Variants in MAOB observed in about 807,000 individuals in gnomAD.
MAOB encodes the protein amine oxidase [flavin-containing] B.
MAOB carries 15 observed loss-of-function variants against 41.9 expected under a neutral mutation model. The ratio of observed to expected loss-of-function variants is 0.36; its 90% CI spans 0.24 to 0.55. MAOB has a LOEUF of 0.55. Ranked by LOEUF, MAOB falls within the 20% of genes least tolerant of loss-of-function variation. The pLI is 0.86. For synonymous variants in MAOB, 167 were observed against 144.2 expected (o/e 1.16, Z -1.13); for missense variants, 345 against 398.7 (o/e 0.87, Z 1.15).
chrX:43,871,088 A>G (rs2035403930), intron 1 of MAOB, among the ~76,000 whole-genome samples: 1 of 111,664 alleles, frequency 9.0e-6, no homozygotes, highest in African/African-American at 3.3e-5. Flanking sequence ...TGCAAGCACA[A>G]CAGAGAAATC....
chrX:43,777,848 G>A (rs2147122734), intron 11 of MAOB, among the ~76,000 whole-genome samples: 1 of 111,958 alleles, frequency 8.9e-6, no homozygotes, highest in East Asian at 2.8e-4. Flanking sequence ...CTTTCAAAAG[G>A]TGACATAGTC....
intron 1 of MAOB, among the ~76,000 whole-genome samples, chrX:43,878,341 A>G (rs1336509814): frequency 9.1e-6 from 1 of 109,456 alleles, no homozygotes; most frequent in African/African-American, 3.3e-5. Context: ...TCCTGGACTC[A>G]AGTGATCCTC....
chrX:43,853,267 CAAAAAAAAAA>C (rs397957481), intron 1 of MAOB, among the ~76,000 whole-genome samples: 10 of 26,446 alleles, frequency 3.8e-4, no homozygotes, highest in African/African-American at 1.1e-3. Flanking sequence ...GAGTCCGTCT[CAAAAAAAAAA>C]AAAAAAAAAA....
intron 11 of MAOB, among the ~76,000 whole-genome samples, chrX:43,776,201 A>G (rs1186839782): frequency 1.8e-5 from 2 of 112,360 alleles, no homozygotes; most frequent in African/African-American, 3.2e-5. Context: ...TTATCTTTCA[A>G]TGTATCTTGT....
chrX:43,791,769 A>G (rs2034466027), intron 8 of MAOB, among the ~76,000 whole-genome samples: 1 of 111,911 alleles, frequency 8.9e-6, no homozygotes. Flanking sequence ...AAAAAAAAAA[A>G]TTAATTAAAT....
chrX:43,879,394 A>G (rs926795558), intron 1 of MAOB, among the ~76,000 whole-genome samples: 6 of 112,527 alleles, frequency 5.3e-5, no homozygotes, highest in Non-Finnish European at 9.4e-5. Flanking sequence ...AACAAAGCTT[A>G]GAACGCAGAG....
chrX:43,852,422 C>A (rs1376092037), intron 1 of MAOB, among the ~76,000 whole-genome samples: 2 of 112,173 alleles, frequency 1.8e-5, no homozygotes, highest in Non-Finnish European at 3.8e-5. Flanking sequence ...GTCATGATGT[C>A]TGTAACTTAC....
At position 43,855,048 on chromosome X, in the gene MAOB, C is replaced by T. The variant is rs183031048; in HGVS notation, c.47-11284G>A. Among the ~76,000 whole-genome samples the T allele has an allele frequency of 3.0e-3, 332 of 110,879 alleles. 2 individuals are homozygous for T. The highest frequency in any genetic ancestry group is 0.011 in the African/African-American group (320 of 30,433). On this transcript the variant is annotated intron_variant, in intron 1 of 14. Coordinates refer to ENST00000378069, the MANE Select transcript of MAOB (RefSeq NM_000898.5). Reference sequence around the variant, plus strand: ...CCCAGGCACAAGAAGTTCCATCCTGCCAGCTCAGATGCTCCAGGTCTCTGG... The same window carrying T: ...CCCAGGCACAAGAAGTTCCATCCTGTCAGCTCAGATGCTCCAGGTCTCTGG...
chrX:43,880,587 A>AT (rs2035467097), intron 1 of MAOB, among the ~76,000 whole-genome samples: 1 of 112,488 alleles, frequency 8.9e-6, no homozygotes, highest in South Asian at 3.6e-4. Context: ...ATTCCGTGGA[A>AT]TGTTCTTGAG....
At chrX:43,808,699 G>GACACAC (rs147523888) in intron 3 of MAOB, among the ~76,000 whole-genome samples, 157 of 87,627 alleles carry the variant, frequency 1.8e-3, no homozygotes, top group South Asian at 8.6e-3. Context: ...TCTACACATA[G>GACACAC]ACACACACAC....
chrX:43,846,044 C>T (rs1030026438), intron 1 of MAOB, among the ~76,000 whole-genome samples: 22 of 111,989 alleles, frequency 2.0e-4, no homozygotes, highest in African/African-American at 6.8e-4. Flanking sequence ...GATTTATAAC[C>T]CCAGTTTCCT....
At position 43,793,448 on chromosome X, in the gene MAOB, T is replaced by A; in HGVS notation, c.899A>T (p.Tyr300Phe). Residue 300 changes from tyrosine to phenylalanine, a missense_variant, in exon 8 of 15, where the codon TAT becomes TTT. Coordinates refer to ENST00000378069, the MANE Select transcript of MAOB (RefSeq NM_000898.5). ...PLGSVIKCIV[Y>F]YKEPFWRKKD... ...TTTCCTCCAGAAAGGCTCTTTATAA[T>A]AAACTATACACTTGATGACTGAACC... is the stretch of plus-strand genomic sequence containing the variant. 1 of 1,201,077 alleles carries A rather than the reference T, an allele frequency of 8.3e-7. No homozygotes were observed. Among genetic ancestry groups the A allele is most frequent in the East Asian group, 3.0e-5 (1 of 33,475 alleles).
At chrX:43,796,666 T>C (rs1367765600) in intron 6 of MAOB, among the ~76,000 whole-genome samples, 1 of 111,192 alleles carries the variant, frequency 9.0e-6, no homozygotes, top group African/African-American at 3.3e-5. Flanking sequence ...AGAACTCCAA[T>C]ATGTTCCTAC....
In MAOB at chrX:43,767,382, C is replaced by CAAAAGA; in HGVS notation, c.*83_*84insTCTTTT. ...CGCCTCACTCCACACTATTTGTCTT[C>CAAAAGA]ATGGAACTTTACTGCAACTCTTTCC... On this transcript the variant is annotated 3_prime_UTR_variant, in exon 15 of 15. Transcript: ENST00000378069. 1 of 989,996 alleles carries CAAAAGA rather than the reference C, an allele frequency of 1.0e-6. No homozygotes were observed. Among genetic ancestry groups the CAAAAGA allele is most frequent in the Admixed American group, 2.7e-5 (1 of 36,611 alleles). The allele number at this position is 989,996 out of a possible 1,213,427, so 81.6% of individuals were successfully genotyped here. A position where few individuals can be genotyped will look rare whatever the true frequency, so the allele number is the denominator to read the frequency against.
chrX:43,828,927 A>C (rs752733947), intron 3 of MAOB, among the ~76,000 whole-genome samples: 3 of 112,156 alleles, frequency 2.7e-5, no homozygotes, highest in Non-Finnish European at 5.6e-5. Context: ...TGTATCTATC[A>C]AAATCTCAAA....
intron 14 of MAOB, 133 bp from the exon 15 acceptor site, chrX:43,767,751 G>T: frequency 1.9e-6 from 1 of 515,983 alleles, no homozygotes; most frequent in Non-Finnish European, 3.0e-6. Flanking sequence ...TGTTCCCTCT[G>T]CTTATACTGT....
At chrX:43,785,985 G>A (rs1417252650) in intron 8 of MAOB, among the ~76,000 whole-genome samples, 1 of 111,864 alleles carries the variant, frequency 8.9e-6, no homozygotes, top group African/African-American at 3.3e-5. Flanking sequence ...GAGACATAAA[G>A]TGAGTACACG....
chrX:43,792,562 C>A (rs769019046), intron 8 of MAOB, among the ~76,000 whole-genome samples: 1 of 111,936 alleles, frequency 8.9e-6, no homozygotes, highest in Non-Finnish European at 1.9e-5. Context: ...AGAAGACATA[C>A]AAGTGGCCAA....
rs1032963461 is a variant in MAOB at position 43,861,856 on chromosome X, C to T, written c.47-18092G>A. On this transcript the variant is annotated intron_variant, in intron 1 of 14. Transcript: ENST00000378069. ...TTTTAGCATTATGCTCCAGCTGAAA[C>T]GTGTGTGTGTGTGTGTGTGTGTGTG... is the stretch of plus-strand genomic sequence containing the variant. Among the ~76,000 whole-genome samples, 4 of 103,177 alleles carry T rather than the reference C, an allele frequency of 3.9e-5. No individual in the cohort carries two copies. The East Asian group carries it at 9.1e-4, about 23-fold the overall frequency. 89.6% of individuals were successfully genotyped at this position (103,177 alleles called of 115,157 possible).
Sources: gnomAD v4.1 joint callset for allele counts (sites outside exome capture counted in the v4.1 genomes callset) on GRCh38, gnomAD v4.1.1 for gene constraint, MANE v1.5 for transcripts, NCBI Gene and HGNC (gene_info 2026-07-23, HGNC 2026-07-21) for gene names.